Variants in PNO1 observed in about 807,000 individuals in gnomAD.
The protein encoded by PNO1 is RNA-binding protein PNO1.
Under a neutral mutation model 28.4 loss-of-function variants are expected in PNO1, and 16 were observed. The ratio of observed to expected loss-of-function variants is 0.56; its 90% CI spans 0.38 to 0.85. The LOEUF (loss-of-function observed/expected upper bound fraction) is 0.85. Ranked by LOEUF, PNO1 falls within the 40% of genes least tolerant of loss-of-function variation. The pLI is 0.00. For missense variants in PNO1, 304 were observed against 312.2 expected (o/e 0.97, Z 0.20); for synonymous variants, 115 against 110.8 (o/e 1.04, Z -0.24).
Position 68,158,421 on chromosome 2 carries a change from C to CAGATACA in PNO1, c.250_256dup (p.Thr86LysfsTer27). Reference sequence around the variant, plus strand: ...CAAGGAAAATTCCAGTCCCAGCTAACAGATACACACCATTGAAAGAAAACT... The same window carrying CAGATACA: ...CAAGGAAAATTCCAGTCCCAGCTAACAGATACAAGATACACACCATTGAAAGAAAACT... On this transcript the variant is annotated frameshift_variant, in exon 2 of 7. Coordinates refer to ENST00000263657, the MANE Select transcript of PNO1 (RefSeq NM_020143.4). LOFTEE classifies it high-confidence loss of function. The CAGATACA allele has an allele frequency of 6.2e-7, 1 of 1,613,130 alleles. No individual in the cohort carries two copies. Among genetic ancestry groups the CAGATACA allele is most frequent in the South Asian group, 1.1e-5 (1 of 90,926 alleles).
rs1674251793 is a variant in PNO1, at chr2:68,175,442, G to C, written c.*640G>C. 1 of 152,426 alleles carries C rather than the reference G, an allele frequency of 6.6e-6. No individual in the cohort carries two copies. The highest frequency in any genetic ancestry group is 2.4e-5 in the African/African-American group (1 of 41,544). The allele number at this position is 152,426 out of a possible 1,614,324, so 9.4% of individuals were successfully genotyped here. A position where few individuals can be genotyped will look rare whatever the true frequency, so the allele number is the denominator to read the frequency against. ...GCCTGGCTAATTTTTTGTATTTTTT[G>C]TAGAGATGGGGTTTCGCCATGTTGA... On this transcript the variant is annotated 3_prime_UTR_variant, in exon 7 of 7. Transcript: ENST00000263657.
chr2:68,158,242 C>T, intron 1 of PNO1, 101 bp downstream of exon 1: 1 of 1,385,850 alleles, frequency 7.2e-7, no homozygotes, highest in Non-Finnish European at 9.9e-7. Flanking sequence ...GGCTGTTCTG[C>T]CGTGATGCTC....
chr2:68,161,151 C>T lies in PNO1; in HGVS notation c.358-532C>T, dbSNP rs142410513. The T allele has an allele frequency of 1.8e-3, 823 of 465,008 alleles. 11 individuals carry two copies. In the Middle Eastern group the frequency reaches 0.052, roughly 29 times the overall value. 28.8% of individuals were successfully genotyped at this position (465,008 alleles called of 1,614,324 possible). ...TTTTTATGAATAACAGTTATTTCTG[C>T]ATTTCTCAAATAAACTTTGAGGACA... On this transcript the variant is annotated intron_variant, in intron 2 of 6. Coordinates refer to ENST00000263657, the MANE Select transcript of PNO1 (RefSeq NM_020143.4).
chr2:68,173,271 C>A, intron 5 of PNO1, 76 bp from the exon 6 acceptor site: 1 of 880,314 alleles, frequency 1.1e-6, no homozygotes, highest in Non-Finnish European at 1.9e-6. Flanking sequence ...CCTGCCTTGG[C>A]CTTCCAAAGT....
At chr2:68,173,854 T>G (rs1053298617) in intron 6 of PNO1, among the ~76,000 whole-genome samples, 1 of 152,222 alleles carries the variant, frequency 6.6e-6, no homozygotes, top group Admixed American at 6.5e-5. Flanking sequence ...GTGCTGGGAT[T>G]ACAGGCGTGA....
chr2:68,163,001 G>T (rs1019974775), intron 5 of PNO1, among the ~76,000 whole-genome samples: 1 of 152,154 alleles, frequency 6.6e-6, no homozygotes, highest in Non-Finnish European at 1.5e-5. Flanking sequence ...CAGAATGGTT[G>T]TATGTGTATT....
intron 4 of PNO1, 24 bp downstream of exon 4, chr2:68,162,349 CTT>C (rs3217588): frequency 0.27 from 422,010 of 1,579,962 alleles, 62,388 homozygotes; most frequent in South Asian, 0.48. Flanking sequence ...GGTCTGCGCT[CTT>C]GTGTCGCTGA....
At chr2:68,165,905 A>G (rs1321103868) in intron 5 of PNO1, among the ~76,000 whole-genome samples, 2 of 152,176 alleles carry the variant, frequency 1.3e-5, no homozygotes, top group Admixed American at 6.5e-5. Flanking sequence ...GCAAATGTAT[A>G]TTGTAGTCCC....
At chr2:68,165,477 C>T (rs1233584043) in intron 5 of PNO1, among the ~76,000 whole-genome samples, 1 of 137,792 alleles carries the variant, frequency 7.3e-6, no homozygotes, top group Admixed American at 7.8e-5. Context: ...ACCTGGGAGG[C>T]GGAGACTGCA....
intron 2 of PNO1, chr2:68,161,431 G>A: frequency 2.1e-6 from 1 of 481,560 alleles, no homozygotes; most frequent in Admixed American, 3.2e-5. Flanking sequence ...CCCAAAATCT[G>A]ATCATATAGT....
chr2:68,159,377 T>C (rs1673771285), intron 2 of PNO1, among the ~76,000 whole-genome samples: 1 of 152,036 alleles, frequency 6.6e-6, no homozygotes, highest in East Asian at 1.9e-4. Context: ...CCTGGCTAAT[T>C]TTTGTATTTT....
rs57701897 is a variant in PNO1, at chr2:68,168,921, C to CTTTTTTTT, written c.621-4408_621-4401dup. Among the ~76,000 whole-genome samples, 359 of 72,496 alleles carry CTTTTTTTT rather than the reference C, an allele frequency of 5.0e-3. 1 individual carries two copies. The highest frequency in any genetic ancestry group is 0.013 in the Middle Eastern group (1 of 78). The allele number at this position is 72,496 out of a possible 152,430, so 47.6% of individuals were successfully genotyped here. ...ACCTATCAAGCAATTCAGCTTTTTTCTTTTTTTTTTTTTTTTTTTTTTTTT... is the reference window on the plus strand; with the variant it reads ...ACCTATCAAGCAATTCAGCTTTTTTCTTTTTTTTTTTTTTTTTTTTTTTTTTTTTTTTT... On this transcript the variant is annotated intron_variant, in intron 5 of 6. Transcript: ENST00000263657.
Position 68,158,146 on chromosome 2 carries a change from G to A in PNO1, c.207+5G>A. ...CTCTGTGGGGACGGGCTCCTGGTAT[G>A]TGGCTGGGACCCTAGGACAGCAACG... On this transcript the variant is annotated splice_donor_5th_base_variant and intron_variant, in intron 1 of 6. Transcript: ENST00000263657. 6.3e-7 allele frequency: 1 copy of A among 1,592,082 alleles called. No individual in the cohort carries two copies.
intron 5 of PNO1, among the ~76,000 whole-genome samples, chr2:68,163,665 T>C (rs1055831981): frequency 6.6e-6 from 1 of 152,222 alleles, no homozygotes; most frequent in Non-Finnish European, 1.5e-5. Context: ...TTTAGAAGTA[T>C]ATATCTACTT....
intron 5 of PNO1, among the ~76,000 whole-genome samples, chr2:68,166,675 G>C (rs1033399514): frequency 1.3e-5 from 2 of 152,184 alleles, no homozygotes; most frequent in Non-Finnish European, 2.9e-5. Context: ...CTCTTCCACA[G>C]TTTTTAGTTT....
At position 68,162,186 on chromosome 2, in the gene PNO1, T is replaced by A. The variant is rs948303884; in HGVS notation, c.442-79T>A. ...TAGCTCTAGAGTTTGTGGATTTTAG[T>A]TCCATAGTGCTTTGCACTTTACTCT... On this transcript the variant is annotated intron_variant, in intron 3 of 6. Coordinates refer to ENST00000263657, the MANE Select transcript of PNO1 (RefSeq NM_020143.4). 2.9e-5 allele frequency: 31 copies of A among 1,058,820 alleles called. No homozygotes were observed. The African/African-American group carries it at 4.4e-4, about 15-fold the overall frequency. The allele number at this position is 1,058,820 out of a possible 1,614,324, so 65.6% of individuals were successfully genotyped here.
In PNO1 at chr2:68,175,647, A is replaced by C. The variant is rs1350597228; in HGVS notation, c.*845A>C. ...ATACATCAGTAAGAGCTCATCTTGG[A>C]ACCTGTTTTGCAGTTTCTTGCAGTT... is the stretch of plus-strand genomic sequence containing the variant. On this transcript the variant is annotated 3_prime_UTR_variant, in exon 7 of 7. Coordinates refer to ENST00000263657, the MANE Select transcript of PNO1 (RefSeq NM_020143.4). 1.4e-5 allele frequency: 1 copy of C among 72,070 alleles called. No individual in the cohort carries two copies. The highest frequency in any genetic ancestry group is 2.4e-5 in the Non-Finnish European group (1 of 41,946). 4.5% of individuals were successfully genotyped at this position (72,070 alleles called of 1,614,324 possible). A position where few individuals can be genotyped will look rare whatever the true frequency, so the allele number is the denominator to read the frequency against.
intron 5 of PNO1, 26 bp downstream of exon 5, chr2:68,162,689 AT>A: frequency 1.6e-6 from 2 of 1,283,796 alleles, no homozygotes; most frequent in Non-Finnish European, 2.3e-6. Context: ...TGAGAAAATT[AT>A]TGTCATAATT....
At chr2:68,165,377 A>AAAAAAAAAAC (rs1553401401) in intron 5 of PNO1, among the ~76,000 whole-genome samples, 3 of 61,796 alleles carry the variant, frequency 4.9e-5, no homozygotes, top group Non-Finnish European at 6.3e-5. Flanking sequence ...AAAAAAAAAA[A>AAAAAAAAAAC]AACAACAAAA....
Sources: allele counts gnomAD v4.1 joint callset (sites outside exome capture counted in the v4.1 genomes callset), GRCh38; gene constraint gnomAD v4.1.1; transcripts MANE v1.5; gene names NCBI Gene and HGNC (gene_info 2026-07-23, HGNC 2026-07-21).